Variants in BBS1 observed in about 807,000 individuals in gnomAD.
The protein encoded by BBS1 is Bardet-Biedl syndrome 1.
A neutral mutation model predicts 73.9 loss-of-function variants in BBS1; 60 were observed. The observed-to-expected ratio is 0.81, with a 90% CI of 0.66 to 1.01. The LOEUF is 1.01. Among genes scored for constraint, BBS1 ranks in the 50% least tolerant of loss-of-function variants. The pLI is 0.00. For synonymous variants in BBS1, 283 were observed against 317.4 expected, an observed-to-expected ratio of 0.89 and a Z score of 1.15; for missense variants, 718 against 770.3, an observed-to-expected ratio of 0.93 and a Z score of 0.80.
chr11:66,522,967 A>G (rs1167119279), intron 9 of BBS1: 1 of 359,748 alleles, frequency 2.8e-6, no homozygotes, highest in East Asian at 7.3e-5. Context: ...AAAGTGGGAA[A>G]GACATTGGCG....
chr11:66,530,775 G>A lies in BBS1; in HGVS notation c.1474-119G>A, dbSNP rs188325076. On this transcript the variant is annotated intron_variant, in intron 14 of 16. Transcript: ENST00000318312. Reference sequence around the variant, plus strand: ...TTCTGGTCTTCTGTGTCTGCTGGGAGGCAGATTGAGTAGGAGGAGGGGACA... The same window carrying A: ...TTCTGGTCTTCTGTGTCTGCTGGGAAGCAGATTGAGTAGGAGGAGGGGACA... 1.1e-4 allele frequency: 152 copies of A among 1,413,834 alleles called. No homozygotes were observed. In the African/African-American group the frequency reaches 2.0e-3, roughly 19 times the overall value. 87.6% of individuals were successfully genotyped at this position (1,413,834 alleles called of 1,614,324 possible). A position where few individuals can be genotyped will look rare whatever the true frequency, so the allele number is the denominator to read the frequency against.
chr11:66,510,846 T>C, intron 1 of BBS1, 140 bp downstream of exon 1: 1 of 1,372,878 alleles, frequency 7.3e-7, no homozygotes, highest in Non-Finnish European at 1.0e-6. Flanking sequence ...AGGCCTAAGA[T>C]GTGCATATGT....
intron 9 of BBS1, chr11:66,523,139 G>A (rs1856314549): frequency 2.0e-6 from 1 of 505,862 alleles, no homozygotes; most frequent in African/African-American, 1.9e-5. Flanking sequence ...TCCAGCCAAA[G>A]GTAAACTCAC....
rs766218865 is a variant in BBS1 at position 66,531,026 on chromosome 11, A to G, written c.1606A>G (p.Lys536Glu). 21 of 1,613,988 alleles carry G rather than the reference A, an allele frequency of 1.3e-5. No homozygotes were observed. Among genetic ancestry groups the G allele is most frequent in the Non-Finnish European group, 1.7e-5 (20 of 1,180,008 alleles). Residue 536 changes from lysine to glutamate, a missense_variant and splice_region_variant, in exon 15 of 17, where the codon AAG (lysine) becomes GAG (glutamate). Lys to Glu is a moderately conservative substitution (Grantham distance 56). Coordinates refer to ENST00000318312, the MANE Select transcript of BBS1 (RefSeq NM_024649.5). Reference protein sequence around the residue: ...ALYSLPRAFFKVPLLVPGLNY... With the variant: ...ALYSLPRAFFEVPLLVPGLNY... ...CTATTCCCTGCCCCGGGCCTTCTTC[A>G]AGGTACTGGATGCTCCTCACTTAGA... is the stretch of plus-strand genomic sequence containing the variant.
At chr11:66,529,724 C>T (rs1363017662) in intron 13 of BBS1, 95 bp from the exon 14 acceptor site, 3 of 1,495,780 alleles carry the variant, frequency 2.0e-6, no homozygotes, top group East Asian at 2.3e-5. Flanking sequence ...CCTCTTGCAC[C>T]CTCCCCACAC....
Position 66,519,751 on chromosome 11 carries a change from C to T in BBS1, c.723+3C>T. Reference sequence around the variant, plus strand: ...AGGCCTTCACCATTTTAGCCAAGGTCAGCGTCAGGTCTGGCCCTGGGCCCG... The same window carrying T: ...AGGCCTTCACCATTTTAGCCAAGGTTAGCGTCAGGTCTGGCCCTGGGCCCG... On this transcript the variant is annotated splice_donor_region_variant and intron_variant, in intron 8 of 16. Coordinates refer to ENST00000318312, the MANE Select transcript of BBS1 (RefSeq NM_024649.5). The T allele has an allele frequency of 6.2e-7, 1 of 1,613,048 alleles. No homozygotes were observed. The highest frequency in any genetic ancestry group is 8.5e-7 in the Non-Finnish European group (1 of 1,179,900).
intron 7 of BBS1, 66 bp downstream of exon 7, chr11:66,515,999 C>T (rs1158210254): frequency 6.7e-7 from 1 of 1,491,402 alleles, no homozygotes; most frequent in Admixed American, 1.7e-5. Flanking sequence ...GACCACTTAA[C>T]ATCAGTGGTA....
In BBS1 at chr11:66,510,663, G is replaced by A. The variant is rs148912186; in HGVS notation, c.4G>A (p.Ala2Thr). The A allele has an allele frequency of 1.9e-6, 3 of 1,614,180 alleles. No individual in the cohort carries two copies. The highest frequency in any genetic ancestry group is 2.5e-6 in the Non-Finnish European group (3 of 1,180,022). Reference protein sequence around the residue: MAAASSSDSDAC... With the variant: MTAASSSDSDAC... ...TGCCAGGACGACGCCTGCGAAGATG[G>A]CCGCTGCGTCCTCATCGGATTCCGA... Residue 2 changes from alanine to threonine, a missense_variant, in exon 1 of 17, where the codon GCC becomes ACC. Ala to Thr is a moderately conservative substitution (Grantham distance 58, BLOSUM62 0). Coordinates refer to ENST00000318312, the MANE Select transcript of BBS1 (RefSeq NM_024649.5).
At position 66,510,712 on chromosome 11, in the gene BBS1, G is replaced by A; in HGVS notation, c.47+6G>A. The A allele has an allele frequency of 1.2e-6, 2 of 1,614,144 alleles. No individual in the cohort carries two copies. The highest frequency in any genetic ancestry group is 1.1e-5 in the South Asian group (1 of 91,078). On this transcript the variant is annotated splice_donor_region_variant and intron_variant, in intron 1 of 16. Transcript: ENST00000318312. The stretch of plus-strand genomic sequence containing the variant: ...GACGCCTGCGGAGCTGAGAGGTGAA[G>A]GCAGGGCTCCTCAAGGCCTCTTTTC...
chr11:66,515,693 G>T lies in BBS1; in HGVS notation c.480G>T (p.Arg160=), dbSNP rs781144584. ...GCCATGCTGGCCCCTTTCCTTGCAGGGAGACGGCAGAGGAGCCTTTGTCCA... is the reference window on the plus strand; with the variant it reads ...GCCATGCTGGCCCCTTTCCTTGCAGTGAGACGGCAGAGGAGCCTTTGTCCA... ...LTLKEMLESI[R]ETAEEPLSIQ... Residue 160 remains arginine, a splice_region_variant and synonymous_variant, in exon 6 of 17, where the codon CGG becomes CGT. Transcript: ENST00000318312. The T allele has an allele frequency of 3.1e-6, 5 of 1,614,098 alleles. No homozygotes were observed. Among genetic ancestry groups the T allele is most frequent in the Non-Finnish European group, 4.2e-6 (5 of 1,180,052 alleles).
rs1474164549 is a variant in BBS1 at position 66,531,646 on chromosome 11, C to G, written c.1609-10C>G. ...GGCTGGTTTCCTTACTTCTTTGTCC[C>G]CAAACTTAGGTACCCTTGCTGGTGC... On this transcript the variant is annotated splice_polypyrimidine_tract_variant and intron_variant, in intron 15 of 16. Transcript: ENST00000318312. 1.9e-6 allele frequency: 3 copies of G among 1,614,108 alleles called. No individual in the cohort carries two copies. Among genetic ancestry groups the G allele is most frequent in the Non-Finnish European group, 2.5e-6 (3 of 1,180,002 alleles).
chr11:66,514,777 G>C (rs768810361), intron 4 of BBS1, 99 bp downstream of exon 4: 63 of 1,431,266 alleles, frequency 4.4e-5, no homozygotes, highest in Non-Finnish European at 5.9e-5. Context: ...CTGGTGGCAG[G>C]AGGTCAGCTA....
chr11:66,527,987 T>C (rs1488737368), intron 13 of BBS1, among the ~76,000 whole-genome samples: 2 of 152,140 alleles, frequency 1.3e-5, no homozygotes, highest in African/African-American at 2.4e-5. Context: ...TCCCAGCTCT[T>C]TGGGAGGCCG....
intron 1 of BBS1, 151 bp downstream of exon 1, chr11:66,510,857 G>T: frequency 7.4e-7 from 1 of 1,359,754 alleles, no homozygotes; most frequent in Non-Finnish European, 1.1e-6. Flanking sequence ...GTGCATATGT[G>T]TGTCTGGAGG....
At position 66,525,869 on chromosome 11, in the gene BBS1, A is replaced by G. The variant is rs1856466820; in HGVS notation, c.1111-254A>G. 3.9e-5 allele frequency among the ~76,000 whole-genome samples: 6 copies of G among 152,136 alleles called. No individual in the cohort carries two copies. The South Asian group carries it at 1.2e-3, about 32-fold the overall frequency. ...TGTGAAGGGCAGACTGGGGAGAAAG[A>G]CCCGAAAGACGAGTCTGGGAGATCT... On this transcript the variant is annotated intron_variant, in intron 11 of 16. Transcript: ENST00000318312.
chr11:66,532,777 G>A lies in BBS1; in HGVS notation c.*740G>A, dbSNP rs534265575. 1 of 152,630 alleles carries A rather than the reference G, an allele frequency of 6.6e-6. No individual in the cohort carries two copies. The highest frequency in any genetic ancestry group is 1.5e-5 in the Non-Finnish European group (1 of 68,246). The allele number at this position is 152,630 out of a possible 1,614,324, so 9.5% of individuals were successfully genotyped here. A position where few individuals can be genotyped will look rare whatever the true frequency, so the allele number is the denominator to read the frequency against. ...TCACACAGCAGCTGCTCCTGACAGG[G>A]ATGCTCATGCCCAGAAAGCAAGCCC... On this transcript the variant is annotated 3_prime_UTR_variant, in exon 17 of 17. Transcript: ENST00000318312.
At position 66,531,688 on chromosome 11, in the gene BBS1, C is replaced by T. The variant is rs770947454; in HGVS notation, c.1641C>T (p.Pro547=). Residue 547 remains proline (P), a synonymous_variant, in exon 16 of 17, where the codon CCC becomes CCT. Coordinates refer to ENST00000318312, the MANE Select transcript of BBS1 (RefSeq NM_024649.5). ...TGCTGGTGCCAGGGCTCAACTACCC[C>T]CTGGAGACCTTTGTGGAGAGTCTCA... is the stretch of plus-strand genomic sequence containing the variant. ...VPLLVPGLNY[P]LETFVESLSN... 6.2e-7 allele frequency: 1 copy of T among 1,614,100 alleles called. No homozygotes were observed. The highest frequency in any genetic ancestry group is 1.7e-5 in the Admixed American group (1 of 60,008).
At position 66,532,926 on chromosome 11, in the gene BBS1, T is replaced by G. The variant is rs1283982575; in HGVS notation, c.*889T>G. 2.0e-5 allele frequency: 3 copies of G among 152,184 alleles called. No individual in the cohort carries two copies. Among genetic ancestry groups the G allele is most frequent in the Non-Finnish European group, 4.4e-5 (3 of 68,038 alleles). 9.4% of individuals were successfully genotyped at this position (152,184 alleles called of 1,614,324 possible). On this transcript the variant is annotated 3_prime_UTR_variant, in exon 17 of 17. Coordinates refer to ENST00000318312, the MANE Select transcript of BBS1 (RefSeq NM_024649.5). Reference sequence around the variant, plus strand: ...CCAGAACTGCCCATATAGATGCCCTTCTACATCCTGGAGCCCAAATCAGTC... The same window carrying G: ...CCAGAACTGCCCATATAGATGCCCTGCTACATCCTGGAGCCCAAATCAGTC...
At chr11:66,528,928 A>G (rs1856636048) in intron 13 of BBS1, 1 of 340,662 alleles carries the variant, frequency 2.9e-6, no homozygotes, top group Non-Finnish European at 4.0e-6. Flanking sequence ...AGATCACGCC[A>G]TTGCACTCCA....
Sources: gnomAD v4.1 joint callset for allele counts (sites outside exome capture counted in the v4.1 genomes callset) on GRCh38, gnomAD v4.1.1 for gene constraint, MANE v1.5 for transcripts, NCBI Gene and HGNC (gene_info 2026-07-23, HGNC 2026-07-21) for gene names.